The following PPTC7 variants were observed in gnomAD, a reference collection of about 807,000 sequenced individuals.
The protein encoded by PPTC7 is protein phosphatase PTC7 homolog.
In PPTC7, 6 loss-of-function variants were observed where a neutral mutation model predicts 30.8. That is an observed-to-expected ratio of 0.19 (90% CI 0.11 to 0.38). PPTC7 has a LOEUF of 0.38. Ranked by LOEUF, PPTC7 falls within the 10% of genes least tolerant of loss-of-function variation. The pLI is 1.00. For synonymous variants in PPTC7, 163 were observed against 168.1 expected (o/e 0.97, Z 0.23); for missense variants, 218 against 404.8 (o/e 0.54, Z 3.96).
intron 1 of PPTC7, among the ~76,000 whole-genome samples, chr12:110,570,235 C>G (rs1037508799): frequency 2.8e-5 from 4 of 143,518 alleles, no homozygotes; most frequent in Non-Finnish European, 4.5e-5. Context: ...AAGGGCGGTG[C>G]AGGATGTGCT....
In PPTC7 at chr12:110,534,155, G is replaced by C. The variant is rs1293548777; in HGVS notation, c.*2882C>G. 6.6e-6 allele frequency: 1 copy of C among 151,004 alleles called. No homozygotes were observed. Among genetic ancestry groups the C allele is most frequent in the East Asian group, 1.9e-4 (1 of 5,174 alleles). 9.4% of individuals were successfully genotyped at this position (151,004 alleles called of 1,614,324 possible). A position where few individuals can be genotyped will look rare whatever the true frequency, so the allele number is the denominator to read the frequency against. ...TTTTTTTTGTGCGCAGGCAGCTTAA[G>C]TTCATAGGAAGAAATAAGGTTCTGA... is the stretch of plus-strand genomic sequence containing the variant. On this transcript the variant is annotated 3_prime_UTR_variant, in exon 6 of 6. Coordinates refer to ENST00000354300, the MANE Select transcript of PPTC7 (RefSeq NM_139283.2).
At chr12:110,551,696 G>C (rs1323048361) in intron 2 of PPTC7, 93 bp downstream of exon 2, 13 of 1,212,514 alleles carry the variant, frequency 1.1e-5, no homozygotes, top group Non-Finnish European at 1.5e-5. Flanking sequence ...AAGAGCCTCA[G>C]AAAAAAGCTG....
chr12:110,565,758 G>A (rs1488198473), intron 1 of PPTC7, among the ~76,000 whole-genome samples: 1 of 152,166 alleles, frequency 6.6e-6, no homozygotes, highest in Non-Finnish European at 1.5e-5. Context: ...AATATTTCCT[G>A]CATATGGGAA....
intron 1 of PPTC7, among the ~76,000 whole-genome samples, chr12:110,554,219 G>A (rs957871154): frequency 3.3e-5 from 5 of 152,154 alleles, no homozygotes; most frequent in Admixed American, 2.6e-4. Flanking sequence ...TGTTGTCCAG[G>A]TTGGAGTGTA....
chr12:110,564,877 T>TACACG (rs1288351192), intron 1 of PPTC7, among the ~76,000 whole-genome samples: 3 of 149,488 alleles, frequency 2.0e-5, no homozygotes, highest in African/African-American at 5.0e-5. Flanking sequence ...TATATATACA[T>TACACG]TGTTTTTTTT....
chr12:110,579,206 T>A (rs2064615649), intron 1 of PPTC7, among the ~76,000 whole-genome samples: 1 of 151,816 alleles, frequency 6.6e-6, no homozygotes, highest in South Asian at 2.1e-4. Flanking sequence ...GTCACCATCA[T>A]ATGAACTGGT....
chr12:110,582,819 C>T lies in PPTC7; in HGVS notation c.213G>A (p.Ala71=). The T allele has an allele frequency of 2.6e-6, 4 of 1,560,268 alleles. No homozygotes were observed. The highest frequency in any genetic ancestry group is 2.6e-6 in the Non-Finnish European group (3 of 1,152,882). ...DACFVARHRS[A]DVLGVADGVG... The stretch of plus-strand genomic sequence containing the variant: ...GGGTCGGGGACTCACCGAGCACGTC[C>T]GCGGAACGGTGCCGGGCCACGAAGC... Residue 71 remains alanine (A), a synonymous_variant, in exon 1 of 6, where the codon GCG becomes GCA. Transcript: ENST00000354300.
In PPTC7 at chr12:110,533,322, A is replaced by G. The variant is rs1428658422; in HGVS notation, c.*3715T>C. On this transcript the variant is annotated 3_prime_UTR_variant, in exon 6 of 6. Coordinates refer to ENST00000354300, the MANE Select transcript of PPTC7 (RefSeq NM_139283.2). ...TTACAGAACTATTCCTGCATAAGTT[A>G]TAATTCAGACATCCAAATTCAGGTA... 6.6e-6 allele frequency: 1 copy of G among 152,192 alleles called. No homozygotes were observed. 9.4% of individuals were successfully genotyped at this position (152,192 alleles called of 1,614,324 possible).
At chr12:110,566,005 A>G (rs939746732) in intron 1 of PPTC7, among the ~76,000 whole-genome samples, 5 of 152,208 alleles carry the variant, frequency 3.3e-5, no homozygotes, top group African/African-American at 1.2e-4. Context: ...GCAATTCCCT[A>G]GGATTCTGAC....
In PPTC7 at chr12:110,534,565, G is replaced by C. The variant is rs2064204302; in HGVS notation, c.*2472C>G. 1 of 152,056 alleles carries C rather than the reference G, an allele frequency of 6.6e-6. No homozygotes were observed. The highest frequency in any genetic ancestry group is 6.6e-5 in the Admixed American group (1 of 15,252). 9.4% of individuals were successfully genotyped at this position (152,056 alleles called of 1,614,324 possible). A position where few individuals can be genotyped will look rare whatever the true frequency, so the allele number is the denominator to read the frequency against. On this transcript the variant is annotated 3_prime_UTR_variant, in exon 6 of 6. Coordinates refer to ENST00000354300, the MANE Select transcript of PPTC7 (RefSeq NM_139283.2). ...GCCTCTGACCACTGAGAGTAGGAGAGATACTTGTTAAGCAGCACTCCAGCT... is the reference window on the plus strand; with the variant it reads ...GCCTCTGACCACTGAGAGTAGGAGACATACTTGTTAAGCAGCACTCCAGCT...
chr12:110,569,813 G>C (rs970443054), intron 1 of PPTC7, among the ~76,000 whole-genome samples: 1 of 152,164 alleles, frequency 6.6e-6, no homozygotes, highest in African/African-American at 2.4e-5. Context: ...TATATTTCCA[G>C]TGAAGTTTCA....
chr12:110,582,393 G>C (rs2064645179), intron 1 of PPTC7, among the ~76,000 whole-genome samples: 1 of 152,202 alleles, frequency 6.6e-6, no homozygotes, highest in African/African-American at 2.4e-5. Context: ...CTGTGGTGTC[G>C]GGAGCACGCG....
chr12:110,567,974 G>C (rs1448783679), intron 1 of PPTC7, among the ~76,000 whole-genome samples: 3 of 151,834 alleles, frequency 2.0e-5, no homozygotes, highest in African/African-American at 7.3e-5. Flanking sequence ...TCTTTCTACA[G>C]CTTCCTCCCC....
At chr12:110,543,066 G>A (rs1045452466) in intron 3 of PPTC7, among the ~76,000 whole-genome samples, 2 of 152,130 alleles carry the variant, frequency 1.3e-5, no homozygotes, top group Non-Finnish European at 2.9e-5. Context: ...ATCAGATACC[G>A]ACCCGGAAGG....
At chr12:110,575,690 TTAA>T (rs1355582239) in intron 1 of PPTC7, among the ~76,000 whole-genome samples, 1 of 147,976 alleles carries the variant, frequency 6.8e-6, no homozygotes, top group African/African-American at 2.5e-5. Context: ...TAAAACCTCC[TTAA>T]TAAACAGTTA....
chr12:110,537,135 GA>G (rs1199977111), intron 5 of PPTC7, 40 bp from the exon 6 acceptor site: 1 of 1,488,224 alleles, frequency 6.7e-7, no homozygotes, highest in Admixed American at 1.7e-5. Context: ...ATTTTAAAAG[GA>G]AAAGTCAATA....
chr12:110,574,006 G>GA (rs2135793906), intron 1 of PPTC7, among the ~76,000 whole-genome samples: 1 of 149,260 alleles, frequency 6.7e-6, no homozygotes, highest in South Asian at 2.1e-4. Context: ...AATAAATAAA[G>GA]GCACTACACA....
At chr12:110,551,664 C>G in intron 2 of PPTC7, 125 bp downstream of exon 2, 1 of 888,818 alleles carries the variant, frequency 1.1e-6, no homozygotes, top group African/African-American at 1.7e-5. Context: ...TATAGTTTCT[C>G]TATCACACTC....
Position 110,534,918 on chromosome 12 carries a change from G to A in PPTC7, c.*2119C>T, listed in dbSNP as rs1213709937. The stretch of plus-strand genomic sequence containing the variant: ...TGCTCTTACCAGGAATTAAATGTAG[G>A]CGTTGGAAAATGAATGCAAAATATA... On this transcript the variant is annotated 3_prime_UTR_variant, in exon 6 of 6. Transcript: ENST00000354300. 2.0e-5 allele frequency: 3 copies of A among 152,608 alleles called. No homozygotes were observed. The highest frequency in any genetic ancestry group is 4.4e-5 in the Non-Finnish European group (3 of 68,040). 9.5% of individuals were successfully genotyped at this position (152,608 alleles called of 1,614,324 possible).
Sources: gnomAD v4.1 joint callset for allele counts (sites outside exome capture counted in the v4.1 genomes callset) on GRCh38, gnomAD v4.1.1 for gene constraint, MANE v1.5 for transcripts, NCBI Gene and HGNC (gene_info 2026-07-23, HGNC 2026-07-21) for gene names.